Variants in DPF3 observed in about 807,000 individuals in gnomAD.
DPF3 encodes double PHD fingers 3.
Under a neutral mutation model 56.8 loss-of-function variants are expected in DPF3, and 18 were observed. The observed-to-expected ratio is 0.32, with a 90% CI of 0.22 to 0.47. The LOEUF (loss-of-function observed/expected upper bound fraction) is 0.47, where lower values mean the gene tolerates loss of function less well. Among genes scored for constraint, DPF3 ranks in the 20% least tolerant of loss-of-function variants. The pLI is 1.00. For missense variants in DPF3, 403 were observed against 488.8 expected (o/e 0.82, Z 1.65); for synonymous variants, 188 against 180.2 (o/e 1.04, Z -0.35).
intron 1 of DPF3, among the ~76,000 whole-genome samples, chr14:72,792,716 C>T (rs1402676692): frequency 2.0e-5 from 3 of 152,100 alleles, no homozygotes; most frequent in African/African-American, 7.2e-5. Flanking sequence ...GAAGTCCCAT[C>T]TGCTGTGTCT....
intron 1 of DPF3, among the ~76,000 whole-genome samples, chr14:72,838,288 G>T (rs1161030520): frequency 6.6e-6 from 1 of 152,172 alleles, no homozygotes; most frequent in Non-Finnish European, 1.5e-5. Flanking sequence ...GAGGTCAGGA[G>T]TTCGAGACCA....
At chr14:72,864,842 C>T (rs1885599793) in intron 1 of DPF3, among the ~76,000 whole-genome samples, 1 of 152,208 alleles carries the variant, frequency 6.6e-6, no homozygotes, top group Non-Finnish European at 1.5e-5. Context: ...AAGCTCCTGC[C>T]AGTGTCCCCA....
At chr14:72,785,437 AT>A (rs1823474035) in intron 1 of DPF3, among the ~76,000 whole-genome samples, 1 of 152,200 alleles carries the variant, frequency 6.6e-6, no homozygotes, top group Non-Finnish European at 1.5e-5. Flanking sequence ...TTGTTAATAC[AT>A]TACAGTCTTG....
intron 1 of DPF3, among the ~76,000 whole-genome samples, chr14:72,827,042 CA>C (rs59956156): frequency 0.35 from 48,337 of 137,508 alleles, 8,436 homozygotes; most frequent in South Asian, 0.44. Context: ...AACTCCATCT[CA>C]AAAAAAAAAA....
intron 8 of DPF3, chr14:72,671,267 C>A (rs371575132): frequency 3.1e-6 from 5 of 1,613,962 alleles, no homozygotes; most frequent in South Asian, 1.1e-5. Context: ...GACGTGGAAC[C>A]GAATAAGTCC....
chr14:72,612,428 T>A lies in DPF3; in HGVS notation c.*6869A>T. On this transcript the variant is annotated 3_prime_UTR_variant, in exon 11 of 11. Transcript: ENST00000556509. Reference sequence around the variant, plus strand: ...GCTCACATATCAGGCAGTGTTTCTGTCCTTTTTTTTTTTCTAGTACCTAAT... The same window carrying A: ...GCTCACATATCAGGCAGTGTTTCTGACCTTTTTTTTTTTCTAGTACCTAAT... 1.9e-6 allele frequency: 1 copy of A among 515,516 alleles called. No individual in the cohort carries two copies. Among genetic ancestry groups the A allele is most frequent in the South Asian group, 1.4e-5 (1 of 71,220 alleles). The allele number at this position is 515,516 out of a possible 1,614,324, so 31.9% of individuals were successfully genotyped here. A position where few individuals can be genotyped will look rare whatever the true frequency, so the allele number is the denominator to read the frequency against.
At chr14:72,858,702 A>C (rs1885265240) in intron 1 of DPF3, among the ~76,000 whole-genome samples, 1 of 152,198 alleles carries the variant, frequency 6.6e-6, no homozygotes, top group African/African-American at 2.4e-5. Flanking sequence ...CAGGTCTAAA[A>C]TACTACTCAG....
At chr14:72,809,707 C>T (rs1384454646) in intron 1 of DPF3, among the ~76,000 whole-genome samples, 1 of 152,188 alleles carries the variant, frequency 6.6e-6, no homozygotes, top group Non-Finnish European at 1.5e-5. Context: ...TCCTGGGTCC[C>T]ACCCCAATCT....
In DPF3 at chr14:72,618,067, T is replaced by TG. The variant is rs33989084; in HGVS notation, c.*1229dup. Among the ~76,000 whole-genome samples, 1 of 151,766 alleles carries TG rather than the reference T, an allele frequency of 6.6e-6. No homozygotes were observed. Among genetic ancestry groups the TG allele is most frequent in the East Asian group, 1.9e-4 (1 of 5,158 alleles). On this transcript the variant is annotated 3_prime_UTR_variant, in exon 11 of 11. Transcript: ENST00000556509. The stretch of plus-strand genomic sequence containing the variant: ...TCTTTCTTCTAGACACATTTTTTTT[T>TG]GAAAACAAGAGTCCTGCATGTTTGG...
chr14:72,665,506 C>T (rs1195179105), intron 8 of DPF3, among the ~76,000 whole-genome samples: 1 of 152,200 alleles, frequency 6.6e-6, no homozygotes, highest in Non-Finnish European at 1.5e-5. Context: ...GAGAAGGATA[C>T]AACATCATTT....
chr14:72,816,131 G>C (rs999066770), intron 1 of DPF3, among the ~76,000 whole-genome samples: 1 of 152,094 alleles, frequency 6.6e-6, no homozygotes, highest in Non-Finnish European at 1.5e-5. Context: ...AGACTTCCCT[G>C]CCTTGACCGT....
At chr14:72,702,594 A>G (rs958300310) in intron 6 of DPF3, among the ~76,000 whole-genome samples, 26 of 152,100 alleles carry the variant, frequency 1.7e-4, no homozygotes, top group African/African-American at 6.3e-4. Flanking sequence ...GTTTGGGGCC[A>G]CCAACACCTC....
At chr14:72,773,025 T>C (rs1259981217) in intron 1 of DPF3, among the ~76,000 whole-genome samples, 1 of 152,096 alleles carries the variant, frequency 6.6e-6, no homozygotes, top group Non-Finnish European at 1.5e-5. Flanking sequence ...TGGTTCTATG[T>C]AGATTTCAGA....
intron 3 of DPF3, among the ~76,000 whole-genome samples, chr14:72,749,103 G>C (rs1890447748): frequency 2.6e-5 from 4 of 152,234 alleles, no homozygotes; most frequent in Non-Finnish European, 4.4e-5. Flanking sequence ...AAAAGCCGCA[G>C]ACACTCAATG....
intron 7 of DPF3, chr14:72,675,604 C>T (rs1285217185): frequency 6.6e-6 from 1 of 152,232 alleles, no homozygotes; most frequent in Non-Finnish European, 1.5e-5. Context: ...GTGATTCCCT[C>T]TGGCCTCCAC....
At chr14:72,650,235 G>C (rs1181063569) in intron 8 of DPF3, among the ~76,000 whole-genome samples, 1 of 152,152 alleles carries the variant, frequency 6.6e-6, no homozygotes, top group Non-Finnish European at 1.5e-5. Context: ...CGGGAATAAA[G>C]GCCCTCCCTG....
intron 1 of DPF3, among the ~76,000 whole-genome samples, chr14:72,783,628 C>A (rs1892080984): frequency 1.3e-5 from 2 of 152,308 alleles, no homozygotes; most frequent in South Asian, 4.1e-4. Context: ...ACCCACATAC[C>A]CCAAACCTGG....
intron 6 of DPF3, among the ~76,000 whole-genome samples, chr14:72,697,292 G>A (rs952740155): frequency 5.3e-5 from 8 of 152,186 alleles, no homozygotes; most frequent in African/African-American, 1.9e-4. Context: ...CCCCTCCATG[G>A]AGGAGGTCGC....
At chr14:72,711,413 A>G (rs112110327) in intron 6 of DPF3, among the ~76,000 whole-genome samples, 146 of 152,340 alleles carry the variant, frequency 9.6e-4, no homozygotes, top group African/African-American at 3.4e-3. Context: ...AATCAAACGC[A>G]TAAGTAGAAA....
Sources: gnomAD v4.1 joint callset for allele counts (sites outside exome capture counted in the v4.1 genomes callset) on GRCh38, gnomAD v4.1.1 for gene constraint, MANE v1.5 for transcripts, NCBI Gene and HGNC (gene_info 2026-07-23, HGNC 2026-07-21) for gene names.